Variants in LINGO2 observed in about 807,000 individuals in gnomAD.
LINGO2 encodes leucine rich repeat and Ig domain containing 2, also known as leucine-rich repeat and immunoglobulin-like domain-containing nogo receptor-interacting protein 2.
In LINGO2, 14 loss-of-function variants were observed where a neutral mutation model predicts 30.6. The observed-to-expected ratio is 0.46, with a 90% CI of 0.30 to 0.72. The LOEUF is 0.72. Ranked by LOEUF, LINGO2 falls within the 30% of genes least tolerant of loss-of-function variation. LINGO2 has a pLI of 0.07. For synonymous variants in LINGO2, 317 were observed against 288.5 expected, an observed-to-expected ratio of 1.10 and a Z score of -1.00; for missense variants, 729 against 751.7, an observed-to-expected ratio of 0.97 and a Z score of 0.35.
intron 2 of LINGO2, among the ~76,000 whole-genome samples, chr9:28,454,855 TA>T (rs1263386608): frequency 6.6e-6 from 1 of 151,982 alleles, no homozygotes; most frequent in Admixed American, 6.6e-5. Context: ...AATTTTAATA[TA>T]GATGAAAGAG....
the LINGO2 span, among the ~76,000 whole-genome samples, chr9:29,099,632 G>T: frequency 6.6e-6 from 1 of 152,106 alleles, no homozygotes; most frequent in Non-Finnish European, 1.5e-5. Flanking sequence ...TATATGAAAA[G>T]ATGCTCAACA....
intron 2 of LINGO2, among the ~76,000 whole-genome samples, chr9:28,432,402 A>T (rs1484561248): frequency 1.3e-5 from 2 of 151,556 alleles, no homozygotes; most frequent in Non-Finnish European, 2.9e-5. Flanking sequence ...AAATAATAAG[A>T]TATTTACTAA....
At chr9:29,118,676 C>G in the LINGO2 span, among the ~76,000 whole-genome samples, 1 of 152,136 alleles carries the variant, frequency 6.6e-6, no homozygotes, top group Non-Finnish European at 1.5e-5. Context: ...AGCTCCAAAT[C>G]TACTTCTTGG....
chr9:28,819,167 G>C, the LINGO2 span, among the ~76,000 whole-genome samples: 22 of 152,126 alleles, frequency 1.4e-4, no homozygotes, highest in Admixed American at 1.0e-3. Context: ...CCATAATCAG[G>C]CTATCATCAC....
chr9:28,249,342 T>G (rs1159804562), intron 4 of LINGO2, among the ~76,000 whole-genome samples: 1 of 152,168 alleles, frequency 6.6e-6, no homozygotes, highest in Non-Finnish European at 1.5e-5. Flanking sequence ...TTTGATATGC[T>G]CAGACCAGTA....
At chr9:28,875,511 C>A in the LINGO2 span, among the ~76,000 whole-genome samples, 1 of 152,008 alleles carries the variant, frequency 6.6e-6, no homozygotes, top group Admixed American at 6.6e-5. Context: ...TCAAGAGTAT[C>A]CTTTATAGCT....
chr9:28,651,899 T>G (rs1196198053), intron 1 of LINGO2, among the ~76,000 whole-genome samples: 1 of 152,194 alleles, frequency 6.6e-6, no homozygotes, highest in Non-Finnish European at 1.5e-5. Context: ...TTTTACTGGT[T>G]TATTACCTTT....
intron 2 of LINGO2, among the ~76,000 whole-genome samples, chr9:28,373,769 G>T (rs962868941): frequency 6.6e-6 from 1 of 151,828 alleles, no homozygotes; most frequent in Non-Finnish European, 1.5e-5. Context: ...GCATGGTGGC[G>T]TGCGCCTGTA....
At chr9:29,131,125 C>A in the LINGO2 span, among the ~76,000 whole-genome samples, 4 of 152,250 alleles carry the variant, frequency 2.6e-5, no homozygotes, top group Non-Finnish European at 4.4e-5. Context: ...GATGGAACCA[C>A]TTCCTTTGTA....
At chr9:28,317,304 T>A (rs1824879864) in intron 3 of LINGO2, among the ~76,000 whole-genome samples, 1 of 152,182 alleles carries the variant, frequency 6.6e-6, no homozygotes, top group Non-Finnish European at 1.5e-5. Context: ...CTTTCCTTGT[T>A]TATCTCAGTT....
the LINGO2 span, among the ~76,000 whole-genome samples, chr9:28,743,790 A>G: frequency 6.6e-6 from 1 of 151,714 alleles, no homozygotes; most frequent in African/African-American, 2.4e-5. Flanking sequence ...GTATCTGCCT[A>G]TGGATCTCTT....
chr9:28,426,829 A>G (rs927313179), intron 2 of LINGO2, among the ~76,000 whole-genome samples: 24 of 152,030 alleles, frequency 1.6e-4, no homozygotes, highest in African/African-American at 5.6e-4. Flanking sequence ...AACACAGATT[A>G]TCATCTACCT....
chr9:28,189,329 G>A (rs12683832), intron 4 of LINGO2, among the ~76,000 whole-genome samples: 1,011 of 15,906 alleles, frequency 0.064, 157 homozygotes, highest in East Asian at 0.14. Context: ...GGAAGGGAGG[G>A]AGGAAGGAAG....
chr9:28,314,118 T>C (rs1179281127), intron 3 of LINGO2, among the ~76,000 whole-genome samples: 3 of 152,172 alleles, frequency 2.0e-5, no homozygotes, highest in African/African-American at 7.2e-5. Context: ...GTATTTTTAC[T>C]AGAGACGGGG....
intron 4 of LINGO2, among the ~76,000 whole-genome samples, chr9:28,028,837 G>C (rs1023030167): frequency 1.2e-4 from 19 of 152,068 alleles, no homozygotes; most frequent in African/African-American, 4.3e-4. Context: ...CACTCATATA[G>C]GGAAAGCATA....
chr9:29,039,177 AT>A, the LINGO2 span, among the ~76,000 whole-genome samples: 1 of 152,176 alleles, frequency 6.6e-6, no homozygotes, highest in Non-Finnish European at 1.5e-5. Context: ...TCTGGCACCA[AT>A]TTATGAACAA....
chr9:28,702,833 G>A, the LINGO2 span, among the ~76,000 whole-genome samples: 5 of 151,824 alleles, frequency 3.3e-5, no homozygotes, highest in East Asian at 1.9e-4. Context: ...ACTTCTTCTC[G>A]TGTAAGCTTT....
At chr9:27,990,461 T>TACC (rs892651374) in intron 5 of LINGO2, among the ~76,000 whole-genome samples, 3 of 33,466 alleles carry the variant, frequency 9.0e-5, no homozygotes, top group Non-Finnish European at 2.6e-4. Context: ...GTGGTCTCAA[T>TACC]ACCCCCCCCC....
intron 3 of LINGO2, among the ~76,000 whole-genome samples, chr9:28,336,763 G>T (rs146859404): frequency 6.6e-6 from 1 of 151,688 alleles, no homozygotes; most frequent in African/African-American, 2.4e-5. Flanking sequence ...TAAGCTGTTC[G>T]TTTAATCATT....
Sources: allele counts gnomAD v4.1 joint callset (sites outside exome capture counted in the v4.1 genomes callset), GRCh38; gene constraint gnomAD v4.1.1; transcripts MANE v1.5; gene names NCBI Gene and HGNC (gene_info 2026-07-23, HGNC 2026-07-21).